The following GBE1 variants were observed in gnomAD, a reference collection of about 807,000 sequenced individuals.
GBE1 encodes the protein 1,4-alpha-glucan-branching enzyme.
Under a neutral mutation model 88.8 loss-of-function variants are expected in GBE1, and 70 were observed. The observed-to-expected ratio is 0.79, with a 90% CI of 0.65 to 0.96. The LOEUF is 0.96. Among genes scored for constraint, GBE1 ranks in the 40% least tolerant of loss-of-function variants. The pLI, the probability that GBE1 is intolerant of heterozygous loss-of-function variation, is 0.00. For missense variants in GBE1, 872 were observed against 871.0 expected (o/e 1.00, Z -0.01); for synonymous variants, 284 against 300.1 (o/e 0.95, Z 0.56).
rs80338671 is a variant in GBE1, at chr3:81,642,787, T to G, written c.986A>C (p.Tyr329Ser). ...HDLWDSRLFAYSSWEILRFLL... is the reference protein window; with the variant it reads ...HDLWDSRLFASSSWEILRFLL... The stretch of plus-strand genomic sequence containing the variant: ...CTATATTGTATGTACCTACCTGGAG[T>G]AGGCAAACAATCTGCTATCCCAAAG... Residue 329 changes from tyrosine to serine, a missense_variant, in exon 7 of 16, where the codon TAC (tyrosine) becomes TCC (serine). Coordinates refer to ENST00000429644, the MANE Select transcript of GBE1 (RefSeq NM_000158.4). 1.7e-4 allele frequency: 275 copies of G among 1,597,294 alleles called. No individual in the cohort carries two copies. Among genetic ancestry groups the G allele is most frequent in the Non-Finnish European group, 3.0e-5 (35 of 1,165,128 alleles).
intron 2 of GBE1, among the ~76,000 whole-genome samples, chr3:81,673,584 A>C (rs1042217801): frequency 6.6e-6 from 1 of 151,960 alleles, no homozygotes; most frequent in Non-Finnish European, 1.5e-5. Flanking sequence ...ATGGTTTCCA[A>C]TATCAGTTTT....
rs142427516 is a variant in GBE1, at chr3:81,612,820, A to T, written c.993-18797T>A. The T allele has an allele frequency of 1.5e-4, 63 of 429,780 alleles. No individual in the cohort carries two copies. The East Asian group carries it at 3.5e-3, about 24-fold the overall frequency. 26.6% of individuals were successfully genotyped at this position (429,780 alleles called of 1,614,324 possible). A position where few individuals can be genotyped will look rare whatever the true frequency, so the allele number is the denominator to read the frequency against. ...GAGAGCTTCTTTACCTGATTTGCTG[A>T]CTATTCTGATGCAGGTGTGGATGAG... On this transcript the variant is annotated intron_variant, in intron 7 of 15. Transcript: ENST00000429644.
At chr3:81,702,260 A>G (rs543749068) in intron 2 of GBE1, among the ~76,000 whole-genome samples, 12 of 151,760 alleles carry the variant, frequency 7.9e-5, no homozygotes, top group Non-Finnish European at 1.8e-4. Context: ...ACCCACGTGT[A>G]TATCTTTTTT....
intron 14 of GBE1, among the ~76,000 whole-genome samples, chr3:81,510,699 C>G (rs964886437): frequency 6.6e-6 from 1 of 151,870 alleles, no homozygotes; most frequent in Non-Finnish European, 1.5e-5. Context: ...ACTCATGTAA[C>G]CAAACACCAC....
At chr3:81,681,095 G>T (rs1195045289) in intron 2 of GBE1, among the ~76,000 whole-genome samples, 2 of 152,218 alleles carry the variant, frequency 1.3e-5, no homozygotes, top group African/African-American at 4.8e-5. Context: ...AATGATTACA[G>T]CTGGAAAGTG....
At chr3:81,574,939 C>A (rs369241953) in intron 12 of GBE1, among the ~76,000 whole-genome samples, 4 of 151,984 alleles carry the variant, frequency 2.6e-5, no homozygotes, top group Non-Finnish European at 4.4e-5. Context: ...CCGAGGCAGG[C>A]GAATCACGAG....
At chr3:81,583,505 T>TA (rs1422667056) in intron 10 of GBE1, among the ~76,000 whole-genome samples, 6 of 152,104 alleles carry the variant, frequency 3.9e-5, no homozygotes, top group Admixed American at 2.0e-4. Context: ...TAAACTGTGG[T>TA]ATACCCCTGC....
intron 12 of GBE1, among the ~76,000 whole-genome samples, chr3:81,542,873 GTAAC>G (rs546767912): frequency 1.3e-4 from 20 of 151,902 alleles, no homozygotes; most frequent in Non-Finnish European, 2.5e-4. Context: ...TTTTTAAAAA[GTAAC>G]TAATTTTTAA....
At chr3:81,620,829 A>G (rs1260158782) in intron 7 of GBE1, among the ~76,000 whole-genome samples, 1 of 152,198 alleles carries the variant, frequency 6.6e-6, no homozygotes, top group East Asian at 1.9e-4. Context: ...GAGATCTTCT[A>G]TGAAAGTTTC....
chr3:81,580,101 G>C (rs1703702096), intron 11 of GBE1, among the ~76,000 whole-genome samples: 1 of 152,096 alleles, frequency 6.6e-6, no homozygotes, highest in Admixed American at 6.6e-5. Flanking sequence ...AAAAATGATA[G>C]AGAAACTTAT....
At chr3:81,657,134 C>CAAAAAAAAA (rs796897811) in intron 3 of GBE1, among the ~76,000 whole-genome samples, 2 of 81,850 alleles carry the variant, frequency 2.4e-5, no homozygotes, top group Admixed American at 1.3e-4. Context: ...CCAGCCGTCT[C>CAAAAAAAAA]AAAAAAAAAA....
At chr3:81,644,740 A>G (rs1460142743) in intron 6 of GBE1, among the ~76,000 whole-genome samples, 1 of 152,208 alleles carries the variant, frequency 6.6e-6, no homozygotes, top group Non-Finnish European at 1.5e-5. Flanking sequence ...AGACAGCATG[A>G]GAAAACAGAG....
At chr3:81,593,370 CAAT>C (rs6147919) in intron 8 of GBE1, among the ~76,000 whole-genome samples, 56 of 144,060 alleles carry the variant, frequency 3.9e-4, no homozygotes, top group Admixed American at 7.7e-4. Flanking sequence ...GTCTCAAGAA[CAAT>C]AATAATAATA....
At chr3:81,641,056 T>C (rs1216691063) in intron 7 of GBE1, among the ~76,000 whole-genome samples, 1 of 152,104 alleles carries the variant, frequency 6.6e-6, no homozygotes, top group Non-Finnish European at 1.5e-5. Context: ...TGCACTTTGG[T>C]ACAACAAGGT....
chr3:81,541,453 C>T (rs1003495900), intron 12 of GBE1, among the ~76,000 whole-genome samples: 1 of 150,772 alleles, frequency 6.6e-6, no homozygotes, highest in African/African-American at 2.4e-5. Context: ...GCAAGTTGCC[C>T]CCCCCGCCAC....
intron 1 of GBE1, among the ~76,000 whole-genome samples, chr3:81,757,227 G>A (rs1447943325): frequency 6.6e-6 from 1 of 152,134 alleles, no homozygotes; most frequent in Non-Finnish European, 1.5e-5. Flanking sequence ...CTCCCTTTAT[G>A]GCCCTCTGGT....
intron 14 of GBE1, among the ~76,000 whole-genome samples, chr3:81,519,259 C>A (rs942419121): frequency 7.3e-5 from 11 of 151,510 alleles, no homozygotes; most frequent in African/African-American, 2.7e-4. Context: ...TTAAAAAGTG[C>A]ATCTTGCAGT....
Position 81,629,503 on chromosome 3 carries a change from G to A in GBE1, c.992+13278C>T, listed in dbSNP as rs142861227. On this transcript the variant is annotated intron_variant, in intron 7 of 15. Transcript: ENST00000429644. ...TTTTTAGTTTATTGCTACTAAAAGG[G>A]TTTATTGAAAAATAAAATATTATAA... is the stretch of plus-strand genomic sequence containing the variant. Among the ~76,000 whole-genome samples the A allele has an allele frequency of 4.2e-3, 639 of 152,104 alleles. 8 individuals are homozygous for A. Among genetic ancestry groups the A allele is most frequent in the Middle Eastern group, 0.014 (4 of 294 alleles).
chr3:81,593,790 G>A (rs1703914529), intron 8 of GBE1, 118 bp downstream of exon 8: 5 of 573,312 alleles, frequency 8.7e-6, no homozygotes, highest in Non-Finnish European at 1.6e-5. Context: ...GCCAAAATGG[G>A]ATAATAAATT....
Sources: allele counts gnomAD v4.1 joint callset (sites outside exome capture counted in the v4.1 genomes callset), GRCh38; gene constraint gnomAD v4.1.1; transcripts MANE v1.5; gene names NCBI Gene and HGNC (gene_info 2026-07-23, HGNC 2026-07-21).